Variants in SLC5A4 observed in about 807,000 individuals in gnomAD.
The protein encoded by SLC5A4 is probable glucose sensor protein SLC5A4.
SLC5A4 carries 55 observed loss-of-function variants against 70.3 expected under a neutral mutation model. That is an observed-to-expected ratio of 0.78 (90% CI 0.63 to 0.98). SLC5A4 has a LOEUF of 0.98. Ranked by LOEUF, SLC5A4 falls within the 50% of genes least tolerant of loss-of-function variation. The probability of loss-of-function intolerance (pLI) is 0.00; values close to 1 mark genes in which losing one functional copy is unlikely to be tolerated. For synonymous variants in SLC5A4, 268 were observed against 305.7 expected (o/e 0.88, Z 1.29); for missense variants, 735 against 839.2 (o/e 0.88, Z 1.53).
chr22:32,336,733 A>C, the SLC5A4 span, among the ~76,000 whole-genome samples: 4 of 152,170 alleles, frequency 2.6e-5, no homozygotes, highest in Admixed American at 2.6e-4. Context: ...AACCTTCCCT[A>C]AGGAATATTC....
the SLC5A4 span, among the ~76,000 whole-genome samples, chr22:32,303,483 G>A: frequency 6.6e-6 from 1 of 152,174 alleles, no homozygotes; most frequent in Non-Finnish European, 1.5e-5. Flanking sequence ...AATCAGACAT[G>A]GCATTTGTCT....
At chr22:32,337,740 C>T in the SLC5A4 span, among the ~76,000 whole-genome samples, 3 of 152,194 alleles carry the variant, frequency 2.0e-5, no homozygotes, top group Admixed American at 2.0e-4. Context: ...ATTTCCCGAG[C>T]GTAAATACTG....
the SLC5A4 span, among the ~76,000 whole-genome samples, chr22:32,343,633 A>G: frequency 5.3e-5 from 8 of 152,236 alleles, no homozygotes; most frequent in Admixed American, 4.6e-4. Context: ...CTTAACGGAT[A>G]AACTATCAGC....
chr22:32,346,191 G>A, the SLC5A4 span, among the ~76,000 whole-genome samples: 1 of 152,138 alleles, frequency 6.6e-6, no homozygotes, highest in South Asian at 2.1e-4. Flanking sequence ...ATTTATCCCT[G>A]AATTTCATAA....
chr22:32,268,402 A>G, the SLC5A4 span: 1 of 152,190 alleles, frequency 6.6e-6, no homozygotes, highest in Admixed American at 6.5e-5. Context: ...CCGCTGCATC[A>G]GTTCACTTCT....
At chr22:32,350,023 A>T in the SLC5A4 span, among the ~76,000 whole-genome samples, 1 of 152,094 alleles carries the variant, frequency 6.6e-6, no homozygotes, top group Non-Finnish European at 1.5e-5. Context: ...GGCAAAACAA[A>T]GCAGAGCCTT....
At chr22:32,239,559 TA>T (rs1282317751) in intron 5 of SLC5A4, among the ~76,000 whole-genome samples, 516 of 25,038 alleles carry the variant, frequency 0.021, 27 homozygotes, top group Non-Finnish European at 0.032. Flanking sequence ...TATATATATA[TA>T]TATATATATT....
the SLC5A4 span, among the ~76,000 whole-genome samples, chr22:32,318,099 G>GTCC: frequency 1.7e-4 from 26 of 151,712 alleles, no homozygotes; most frequent in Non-Finnish European, 3.1e-4. Context: ...CCCTCTCCTG[G>GTCC]TCCTCCTCCT....
At chr22:32,334,128 C>T in the SLC5A4 span, among the ~76,000 whole-genome samples, 1 of 139,440 alleles carries the variant, frequency 7.2e-6, no homozygotes, top group Non-Finnish European at 1.5e-5. Context: ...TATACATATA[C>T]ACACCATGCC....
the SLC5A4 span, among the ~76,000 whole-genome samples, chr22:32,290,617 T>A: frequency 2.0e-5 from 3 of 152,206 alleles, no homozygotes; most frequent in African/African-American, 7.2e-5. Flanking sequence ...CTCGGTAACT[T>A]ACAAACAATA....
Position 32,218,622 on chromosome 22 carries a change from G to T in SLC5A4, c.1872C>A (p.Ser624Arg). ...KLTKEEEEAL[S>R]KKLTDTSERP... The stretch of plus-strand genomic sequence containing the variant: ...TCTCAGACGTGTCTGTGAGCTTCTT[G>T]CTCAAGGCTTCCTCCTCCTCCTTGG... Residue 624 changes from serine (S) to arginine (R), a missense_variant, in exon 15 of 15, where the codon AGC becomes AGA. Physicochemically the swap from Ser to Arg is moderately radical, Grantham distance 110. Coordinates refer to ENST00000266086, the MANE Select transcript of SLC5A4 (RefSeq NM_014227.3). 6.2e-7 allele frequency: 1 copy of T among 1,613,830 alleles called. No homozygotes were observed. The highest frequency in any genetic ancestry group is 8.5e-7 in the Non-Finnish European group (1 of 1,179,880).
At chr22:32,350,312 C>T in the SLC5A4 span, among the ~76,000 whole-genome samples, 10,157 of 152,248 alleles carry the variant, frequency 0.067, 402 homozygotes, top group Admixed American at 0.11. Context: ...TTCATGTACA[C>T]ATACAGTTAG....
chr22:32,353,868 C>G, the SLC5A4 span, among the ~76,000 whole-genome samples: 1 of 151,742 alleles, frequency 6.6e-6, no homozygotes, highest in Non-Finnish European at 1.5e-5. Flanking sequence ...TGATATGGCA[C>G]CCAAACCGCC....
chr22:32,269,531 G>A, the SLC5A4 span: 14 of 613,618 alleles, frequency 2.3e-5, no homozygotes, highest in East Asian at 3.2e-4. The surrounding 1 kb of genome is among the most constrained non-coding windows in gnomAD (Gnocchi z 4.1). Context: ...GTGCTCCATC[G>A]TGGCCATCTT....
chr22:32,307,885 C>T, the SLC5A4 span, among the ~76,000 whole-genome samples: 1 of 152,168 alleles, frequency 6.6e-6, no homozygotes, highest in African/African-American at 2.4e-5. Context: ...CTGATACCCA[C>T]CACGTGAGCA....
the SLC5A4 span, among the ~76,000 whole-genome samples, chr22:32,317,585 C>G: frequency 1.3e-5 from 2 of 152,172 alleles, no homozygotes; most frequent in Non-Finnish European, 2.9e-5. Context: ...GCCCCTGCCT[C>G]CTGTGTAGCT....
the SLC5A4 span, chr22:32,272,811 C>T: frequency 3.9e-6 from 2 of 513,634 alleles, no homozygotes; most frequent in South Asian, 3.1e-5. Flanking sequence ...CGTGGTTCGC[C>T]ACCCAGGATG....
chr22:32,240,845 T>C lies in SLC5A4; in HGVS notation c.478-1755A>G, dbSNP rs569865237. 3.3e-5 allele frequency among the ~76,000 whole-genome samples: 5 copies of C among 152,364 alleles called. No homozygotes were observed. In the South Asian group the frequency reaches 6.2e-4, roughly 19 times the overall value. On this transcript the variant is annotated intron_variant, in intron 5 of 14. Transcript: ENST00000266086. ...GTGTGGTGTGACTCAGAAGCTTCCA[T>C]GGTTAAACACTTTGTTATACTGCTA...
the SLC5A4 span, among the ~76,000 whole-genome samples, chr22:32,333,931 T>C: frequency 4.7e-5 from 4 of 85,426 alleles, no homozygotes; most frequent in Admixed American, 1.1e-4. Flanking sequence ...AACATACACA[T>C]AGACACACGT....
Sources: gnomAD v4.1 joint callset for allele counts (sites outside exome capture counted in the v4.1 genomes callset) on GRCh38, gnomAD v4.1.1 for gene constraint, Gnocchi (gnomAD v3.1) non-coding constraint, MANE v1.5 for transcripts, NCBI Gene and HGNC (gene_info 2026-07-23, HGNC 2026-07-21) for gene names.